Variants in NCKAP5L observed in about 807,000 individuals in gnomAD.
NCKAP5L encodes the protein NCK associated protein 5 like.
In NCKAP5L, 54 loss-of-function variants were observed where a neutral mutation model predicts 103.2. The observed-to-expected ratio is 0.52, with a 90% CI of 0.42 to 0.66. NCKAP5L has a LOEUF of 0.66. NCKAP5L is among the 30% of genes least tolerant of loss of function. NCKAP5L has a pLI of 0.00. For synonymous variants in NCKAP5L, 762 were observed against 748.6 expected (o/e 1.02, Z -0.29); for missense variants, 1,733 against 1,750.6 (o/e 0.99, Z 0.18).
intron 1 of NCKAP5L, among the ~76,000 whole-genome samples, chr12:49,822,216 C>G (rs576682777): frequency 6.6e-5 from 10 of 152,228 alleles, no homozygotes; most frequent in South Asian, 4.1e-4. Flanking sequence ...CTTGCCTTCA[C>G]CTTGGACTTC....
At chr12:49,814,844 A>G (rs1054473657) in intron 1 of NCKAP5L, among the ~76,000 whole-genome samples, 3 of 152,192 alleles carry the variant, frequency 2.0e-5, no homozygotes, top group Admixed American at 1.3e-4. Context: ...CAGTCTCCTT[A>G]GTGTCTACAA....
intron 2 of NCKAP5L, 127 bp from the exon 3 acceptor site, chr12:49,804,207 A>G: frequency 1.2e-6 from 1 of 829,584 alleles, no homozygotes. Flanking sequence ...CAGGCTGGGT[A>G]TCTCCTGGTC....
chr12:49,803,971 A>C lies in NCKAP5L; in HGVS notation c.74T>G (p.Met25Arg). ...AAGCTCCTGGCAGGTGCCTGGCTCC[A>C]TGCTGCCATCATCACCCTCTCCTGG... ...PRPGEGDDGS[M>R]EPGTCQELLH... The change falls in exon 3 of 13, where the codon ATG (methionine) becomes AGG (arginine). Residue 25 changes from methionine (M) to arginine (R), a missense_variant. Met to Arg is a moderately conservative substitution (Grantham distance 91, BLOSUM62 -1). Coordinates refer to ENST00000335999, the MANE Select transcript of NCKAP5L (RefSeq NM_001037806.4). 2.1e-5 allele frequency: 34 copies of C among 1,611,986 alleles called. No individual in the cohort carries two copies. Among genetic ancestry groups the C allele is most frequent in the Non-Finnish European group, 2.6e-5 (31 of 1,179,946 alleles).
chr12:49,827,757 G>T (rs1042494958), intron 1 of NCKAP5L, among the ~76,000 whole-genome samples: 1 of 152,162 alleles, frequency 6.6e-6, no homozygotes, highest in African/African-American at 2.4e-5. Flanking sequence ...CCTTTGAAGG[G>T]GCTGTTCTCT....
At chr12:49,812,029 T>C (rs1267051805) in intron 1 of NCKAP5L, among the ~76,000 whole-genome samples, 1 of 152,078 alleles carries the variant, frequency 6.6e-6, no homozygotes, top group African/African-American at 2.4e-5. Flanking sequence ...CCTCCTGGAC[T>C]TTTTTTTAAG....
Position 49,791,765 on chromosome 12 carries a change from G to A in NCKAP5L, c.*74C>T. Reference sequence around the variant, plus strand: ...CTTCAGGGAGGGGTCCCCGTCTCCGGGGGCTGGGCATGAAGAGAGCCGGTC... The same window carrying A: ...CTTCAGGGAGGGGTCCCCGTCTCCGAGGGCTGGGCATGAAGAGAGCCGGTC... On this transcript the variant is annotated 3_prime_UTR_variant, in exon 13 of 13. Coordinates refer to ENST00000335999, the MANE Select transcript of NCKAP5L (RefSeq NM_001037806.4). 2.2e-6 allele frequency: 3 copies of A among 1,361,240 alleles called. No individual in the cohort carries two copies. The highest frequency in any genetic ancestry group is 2.0e-6 in the Non-Finnish European group (2 of 1,017,654). The allele number at this position is 1,361,240 out of a possible 1,614,324, so 84.3% of individuals were successfully genotyped here. A position where few individuals can be genotyped will look rare whatever the true frequency, so the allele number is the denominator to read the frequency against.
In NCKAP5L at chr12:49,795,806, C is replaced by A; in HGVS notation, c.2054G>T (p.Gly685Val). Residue 685 changes from glycine (G) to valine (V), a missense_variant, in exon 8 of 13, where the codon GGG (glycine) becomes GTG (valine). Gly to Val is a moderately radical substitution (Grantham distance 109, BLOSUM62 -3). Coordinates refer to ENST00000335999, the MANE Select transcript of NCKAP5L (RefSeq NM_001037806.4). The part of the protein sequence containing the change: ...PEGALGSEKN[G>V]VPARPGTEKT... ...TTCGGTGCCAGGCCTGGCTGGCACC[C>A]CATTCTTCTCTGAGCCCAGGGCCCC... 6.4e-7 allele frequency: 1 copy of A among 1,572,576 alleles called. No homozygotes were observed. The highest frequency in any genetic ancestry group is 1.4e-5 in the African/African-American group (1 of 73,760).
rs12321754 is a variant in NCKAP5L at position 49,797,918 on chromosome 12, C to T, written c.465+432G>A. Among the ~76,000 whole-genome samples the T allele has an allele frequency of 3.7e-3, 565 of 152,282 alleles. 3 individuals are homozygous for T. Among genetic ancestry groups the T allele is most frequent in the African/African-American group, 0.013 (538 of 41,550 alleles). On this transcript the variant is annotated intron_variant, in intron 7 of 12. Transcript: ENST00000335999. This position sits in a 1 kb window ranked among gnomAD's most constrained non-coding sequence, Gnocchi z 4.5. ...GGTGACGCCATGCCCAGCCCTTTCT[C>T]AGGTGTAGCATAGTGTGGTATAGTG...
Position 49,793,864 on chromosome 12 carries a change from C to A in NCKAP5L, c.3128G>T (p.Trp1043Leu), listed in dbSNP as rs752048611. The change falls in exon 9 of 13, where the codon TGG (tryptophan) becomes TTG (leucine). Residue 1043 changes from tryptophan to leucine, a missense_variant. By Grantham distance (61) the Trp-to-Leu change is moderately conservative. Coordinates refer to ENST00000335999, the MANE Select transcript of NCKAP5L (RefSeq NM_001037806.4). ...CCCGTACTCAGGCTTGGGCTCCCGC[C>A]AGCTCTTGGATGGCAGCTCCTTGCC... ...VDGKELPSKS[W>L]REPKPEYGDF... is the part of the protein sequence containing the mutation. 17 of 1,569,680 alleles carry A rather than the reference C, an allele frequency of 1.1e-5. No individual in the cohort carries two copies. Among genetic ancestry groups the A allele is most frequent in the Non-Finnish European group, 1.4e-5 (16 of 1,158,412 alleles).
At chr12:49,800,150 G>A (rs561081768) in intron 6 of NCKAP5L, among the ~76,000 whole-genome samples, 4 of 152,340 alleles carry the variant, frequency 2.6e-5, no homozygotes, top group Admixed American at 6.5e-5. Context: ...AGCCGAGATC[G>A]CGCCATTGCA....
chr12:49,798,538 T>C (rs988821398), intron 6 of NCKAP5L, 75 bp from the exon 7 acceptor site: 3 of 1,247,886 alleles, frequency 2.4e-6, no homozygotes, highest in Non-Finnish European at 3.4e-6. Context: ...AGCCAGGCCT[T>C]CCCCTCTGAG....
chr12:49,825,676 G>C (rs1020225424), intron 1 of NCKAP5L, among the ~76,000 whole-genome samples: 1 of 152,138 alleles, frequency 6.6e-6, no homozygotes, highest in East Asian at 1.9e-4. Flanking sequence ...GGTAAGGAAG[G>C]CTTCCTTGGG....
chr12:49,794,704 C>G, intron 8 of NCKAP5L, 61 bp downstream of exon 8: 1 of 1,311,004 alleles, frequency 7.6e-7, no homozygotes, highest in Non-Finnish European at 1.0e-6. Context: ...GCAGGTGTGC[C>G]CACGAAGGGA....
At position 49,804,032 on chromosome 12, in the gene NCKAP5L, T is replaced by C; in HGVS notation, c.13A>G (p.Met5Val). Residue 5 changes from methionine (M) to valine (V), a missense_variant, in exon 3 of 13, where the codon ATG (methionine) becomes GTG (valine). By Grantham distance (21) the Met-to-Val change is conservative (BLOSUM62 1). Coordinates refer to ENST00000335999, the MANE Select transcript of NCKAP5L (RefSeq NM_001037806.4). ...CCAGGACCCCCAGCTGGCTGGTCCATGGCCTCTGACATCTGGCCCTGGGAA... is the reference window on the plus strand; with the variant it reads ...CCAGGACCCCCAGCTGGCTGGTCCACGGCCTCTGACATCTGGCCCTGGGAA... MSEA[M>V]DQPAGGPGNP... The C allele has an allele frequency of 1.2e-6, 2 of 1,610,970 alleles. No individual in the cohort carries two copies. Among genetic ancestry groups the C allele is most frequent in the Non-Finnish European group, 1.7e-6 (2 of 1,179,936 alleles).
intron 1 of NCKAP5L, among the ~76,000 whole-genome samples, chr12:49,825,442 G>C (rs1352145125): frequency 6.6e-6 from 1 of 152,166 alleles, no homozygotes; most frequent in Non-Finnish European, 1.5e-5. Flanking sequence ...CAGGCATGAT[G>C]GGGTCAGGGA....
At position 49,796,407 on chromosome 12, in the gene NCKAP5L, G is replaced by A. The variant is rs372725560; in HGVS notation, c.1453C>T (p.Arg485Ter). ...QLSPQLPRNS[R>*]IPCRNSGSDG... ...GAGCCACTGTTCCGACAGGGGATTCGCGAGTTCCGGGGGAGCTGGGGACTG... is the reference window on the plus strand; with the variant it reads ...GAGCCACTGTTCCGACAGGGGATTCACGAGTTCCGGGGGAGCTGGGGACTG... The change falls in exon 8 of 13, where the codon CGA becomes TGA. Residue 485 changes from arginine (R) to a stop codon, truncating the protein, a stop_gained. Transcript: ENST00000335999. LOFTEE classifies it high-confidence loss of function. 3 of 1,573,544 alleles carry A rather than the reference G, an allele frequency of 1.9e-6. No homozygotes were observed. The highest frequency in any genetic ancestry group is 1.4e-5 in the African/African-American group (1 of 73,906).
chr12:49,795,566 G>A lies in NCKAP5L; in HGVS notation c.2294C>T (p.Pro765Leu), dbSNP rs775055016. 6.5e-7 allele frequency: 1 copy of A among 1,542,736 alleles called. No homozygotes were observed. The highest frequency in any genetic ancestry group is 8.7e-7 in the Non-Finnish European group (1 of 1,148,560). Residue 765 changes from proline (P) to leucine (L), a missense_variant, in exon 8 of 13, where the codon CCT (proline) becomes CTT (leucine). By Grantham distance (98) the Pro-to-Leu change is moderately conservative. Transcript: ENST00000335999. ...GGTGAGGCAGCTCCTTGGTGAGACA[G>A]GCTCCAGGTCCACCCGGGCCCCCAT... is the stretch of plus-strand genomic sequence containing the variant. Reference protein sequence around the residue: ...HSMGARVDLEPVSPRSCLTKV... With the variant: ...HSMGARVDLELVSPRSCLTKV...
chr12:49,792,875 C>T lies in NCKAP5L; in HGVS notation c.3452G>A (p.Arg1151Gln), dbSNP rs781285964. ...GGGTACCCCAGGTGGGGGATCCAGC[C>T]GCGGTGGCTTGGTCTTAGGAAGATT... ...SKNLPKTKPP[R>Q]LDPPPGVPPA... The change falls in exon 11 of 13, where the codon CGG (arginine) becomes CAG (glutamine). Residue 1151 changes from arginine to glutamine, a missense_variant. Coordinates refer to ENST00000335999, the MANE Select transcript of NCKAP5L (RefSeq NM_001037806.4). The surrounding 1 kb of genome is among the most constrained non-coding windows in gnomAD (Gnocchi z 4.5). 2.2e-5 allele frequency: 34 copies of T among 1,545,032 alleles called. No individual in the cohort carries two copies. The highest frequency in any genetic ancestry group is 1.7e-4 in the South Asian group (14 of 81,804).
At chr12:49,805,773 T>C (rs997532565) in intron 2 of NCKAP5L, 4 of 152,288 alleles carry the variant, frequency 2.6e-5, no homozygotes, top group African/African-American at 9.7e-5. Context: ...CAGTGAGCTA[T>C]GATCGCCACT....
Sources: allele counts gnomAD v4.1 joint callset (sites outside exome capture counted in the v4.1 genomes callset), GRCh38; gene constraint gnomAD v4.1.1; non-coding constraint Gnocchi (gnomAD v3.1); transcripts MANE v1.5; gene names NCBI Gene and HGNC (gene_info 2026-07-23, HGNC 2026-07-21).